Variants in GLIS3 observed in about 807,000 individuals in gnomAD.
GLIS3 encodes GLIS family zinc finger 3, also known as zinc finger protein GLIS3.
In GLIS3, 53 loss-of-function variants were observed where a neutral mutation model predicts 78.6. That is an observed-to-expected ratio of 0.67 (90% CI 0.54 to 0.85). The LOEUF (loss-of-function observed/expected upper bound fraction) is 0.85. GLIS3 is among the 40% of genes least tolerant of loss of function. The pLI is 0.00. For synonymous variants in GLIS3, 684 were observed against 509.9 expected, an observed-to-expected ratio of 1.34 and a Z score of -4.60; for missense variants, 1,703 against 1,231.1, an observed-to-expected ratio of 1.38 and a Z score of -5.74.
At chr9:4,378,711 G>C in the GLIS3 span, among the ~76,000 whole-genome samples, 1 of 152,146 alleles carries the variant, frequency 6.6e-6, no homozygotes, top group Admixed American at 6.5e-5. Flanking sequence ...AAATCCAGAG[G>C]CAGAATGAGA....
chr9:3,990,722 G>C (rs571238765), intron 4 of GLIS3, among the ~76,000 whole-genome samples: 2 of 152,250 alleles, frequency 1.3e-5, no homozygotes, highest in Non-Finnish European at 2.9e-5. Context: ...TAACTAACCT[G>C]AAATTGTGCA....
chr9:3,930,588 T>C (rs1825551650), intron 6 of GLIS3, among the ~76,000 whole-genome samples: 1 of 152,210 alleles, frequency 6.6e-6, no homozygotes, highest in Admixed American at 6.5e-5. Context: ...TTCCTGAAAA[T>C]ATCCCCTGTT....
At chr9:4,006,261 A>T (rs1350067159) in intron 4 of GLIS3, among the ~76,000 whole-genome samples, 1 of 139,576 alleles carries the variant, frequency 7.2e-6, no homozygotes, top group Non-Finnish European at 1.5e-5. Context: ...CCTTTTACAG[A>T]TTATTCTGAG....
chr9:3,952,004 T>TGA (rs1291374073), intron 4 of GLIS3, among the ~76,000 whole-genome samples: 12 of 151,278 alleles, frequency 7.9e-5, no homozygotes, highest in African/African-American at 1.5e-4. Context: ...ACAAGCGTGG[T>TGA]GAGAGAGAGA....
intron 4 of GLIS3, among the ~76,000 whole-genome samples, chr9:3,962,396 C>G (rs1296726763): frequency 6.6e-6 from 1 of 151,978 alleles, no homozygotes; most frequent in East Asian, 1.9e-4. Context: ...TAAAGAGAGG[C>G]TAGAAATACC....
At chr9:3,889,999 T>A (rs936970890) in intron 7 of GLIS3, among the ~76,000 whole-genome samples, 3 of 152,172 alleles carry the variant, frequency 2.0e-5, no homozygotes, top group African/African-American at 7.2e-5. Flanking sequence ...CAAGAACAGT[T>A]TTTTTAGACA....
At chr9:4,290,284 A>T (rs879125344) in intron 1 of GLIS3, among the ~76,000 whole-genome samples, 4 of 152,170 alleles carry the variant, frequency 2.6e-5, no homozygotes, top group Admixed American at 1.3e-4. Context: ...TACTCTGCAT[A>T]GAAAACCCGA....
intron 6 of GLIS3, among the ~76,000 whole-genome samples, chr9:3,903,131 T>G (rs1197305077): frequency 6.6e-6 from 1 of 152,184 alleles, no homozygotes; most frequent in Non-Finnish European, 1.5e-5. Context: ...AAAGTTTATG[T>G]TATCTCCTGT....
chr9:4,344,598 C>T (rs993005570), intron 2 of GLIS3, among the ~76,000 whole-genome samples: 1 of 152,230 alleles, frequency 6.6e-6, no homozygotes, highest in African/African-American at 2.4e-5. Context: ...TAAATATCAT[C>T]TATGCTAATA....
intron 2 of GLIS3, among the ~76,000 whole-genome samples, chr9:4,213,087 G>A (rs1455824631): frequency 3.3e-5 from 5 of 152,246 alleles, no homozygotes; most frequent in South Asian, 2.1e-4. Context: ...TTGCTCCTAC[G>A]TGCCATCAAT....
intron 2 of GLIS3, among the ~76,000 whole-genome samples, chr9:4,345,804 T>C (rs1163323989): frequency 1.3e-5 from 2 of 152,178 alleles, no homozygotes; most frequent in Non-Finnish European, 2.9e-5. Flanking sequence ...AGTGATTGCG[T>C]CTGGGGAGTG....
chr9:3,932,596 C>T, intron 5 of GLIS3, 126 bp from the exon 6 acceptor site: 1 of 724,566 alleles, frequency 1.4e-6, no homozygotes, highest in Non-Finnish European at 2.5e-6. Flanking sequence ...GAAATGCTAG[C>T]TAATACTCAT....
At position 4,016,151 on chromosome 9, in the gene GLIS3, A is replaced by G. The variant is rs115480088; in HGVS notation, c.1711-78962T>C. ...TCATGTTTTCCACTCCAAGTTCATT[A>G]CATTCAAAGTAAACTGAGTGAGTGA... On this transcript the variant is annotated intron_variant, in intron 4 of 10. Coordinates refer to ENST00000381971, the MANE Select transcript of GLIS3 (RefSeq NM_001042413.2). Among the ~76,000 whole-genome samples the G allele has an allele frequency of 3.3e-3, 496 of 152,268 alleles. 4 individuals are homozygous for G. The highest frequency in any genetic ancestry group is 0.011 in the African/African-American group (473 of 41,552).
intron 8 of GLIS3, among the ~76,000 whole-genome samples, chr9:3,858,510 A>G (rs972913736): frequency 2.6e-5 from 4 of 152,304 alleles, no homozygotes; most frequent in African/African-American, 7.2e-5. Flanking sequence ...CATGGCTTCA[A>G]CTGACTCAAG....
At chr9:4,068,712 G>C (rs1266156204) in intron 4 of GLIS3, among the ~76,000 whole-genome samples, 1 of 152,122 alleles carries the variant, frequency 6.6e-6, no homozygotes, top group Non-Finnish European at 1.5e-5. Context: ...AGAAGACCAA[G>C]TAAGGAGACA....
chr9:4,273,358 G>T (rs1386662013), intron 2 of GLIS3, among the ~76,000 whole-genome samples: 2 of 152,130 alleles, frequency 1.3e-5, no homozygotes, highest in Non-Finnish European at 2.9e-5. Flanking sequence ...ATTTCGGAAG[G>T]CTGAGGCAGG....
intron 4 of GLIS3, chr9:4,054,480 G>C (rs1038475852): frequency 1.0e-6 from 1 of 985,348 alleles, no homozygotes; most frequent in Non-Finnish European, 1.2e-6. Context: ...CTTCAGTCAG[G>C]GCCTACGGGT....
chr9:4,262,616 G>C (rs1825632690), intron 2 of GLIS3, among the ~76,000 whole-genome samples: 1 of 152,140 alleles, frequency 6.6e-6, no homozygotes, highest in Non-Finnish European at 1.5e-5. Flanking sequence ...AAAAGAAAAA[G>C]ATATAAATTG....
rs531366441 is a variant in GLIS3 at position 3,893,231 on chromosome 9, C to T, written c.2128+5460G>A. 3.3e-5 allele frequency among the ~76,000 whole-genome samples: 5 copies of T among 152,278 alleles called. No individual in the cohort carries two copies. In the East Asian group the frequency reaches 9.7e-4, roughly 29 times the overall value. On this transcript the variant is annotated intron_variant, in intron 7 of 10. Coordinates refer to ENST00000381971, the MANE Select transcript of GLIS3 (RefSeq NM_001042413.2). The stretch of plus-strand genomic sequence containing the variant: ...GAGGTACGGAATTGTTTTTGCTCAC[C>T]TACAAAAATATTTTTACGGCAAAAC...
Sources: allele counts gnomAD v4.1 joint callset (sites outside exome capture counted in the v4.1 genomes callset), GRCh38; gene constraint gnomAD v4.1.1; transcripts MANE v1.5; gene names NCBI Gene and HGNC (gene_info 2026-07-23, HGNC 2026-07-21).